The following PDE4A variants were observed in gnomAD, a reference collection of about 807,000 sequenced individuals.
PDE4A encodes the protein phosphodiesterase 4A.
A neutral mutation model predicts 73.9 loss-of-function variants in PDE4A; 21 were observed. That is an observed-to-expected ratio of 0.28 (90% CI 0.20 to 0.41). The LOEUF (loss-of-function observed/expected upper bound fraction) is 0.41. Among genes scored for constraint, PDE4A ranks in the 10% least tolerant of loss-of-function variants. The pLI, the probability that PDE4A is intolerant of heterozygous loss-of-function variation, is 1.00. For synonymous variants in PDE4A, 463 were observed against 505.4 expected (o/e 0.92, Z 1.13); for missense variants, 958 against 1,211.4 (o/e 0.79, Z 3.10).
intron 6 of PDE4A, 42 bp downstream of exon 6, chr19:10,450,983 G>C: frequency 6.5e-7 from 1 of 1,544,280 alleles, no homozygotes; most frequent in South Asian, 1.2e-5. Flanking sequence ...GGGCAGGCGG[G>C]GGCGGGGCCA....
chr19:10,449,018 A>T, intron 3 of PDE4A, 62 bp from the exon 4 acceptor site: 1 of 1,611,256 alleles, frequency 6.2e-7, no homozygotes, highest in Non-Finnish European at 8.5e-7. Context: ...ACTTGGGGAC[A>T]GGGCCCAGCC....
At position 10,441,194 on chromosome 19, in the gene PDE4A, C is replaced by G. The variant is rs569627563; in HGVS notation, c.321-5024C>G. ...GGACTGCAGGCACACACTGCCATGC[C>G]TGGCTAATTAAACAAGTTTTGTTTT... On this transcript the variant is annotated intron_variant, in intron 1 of 14. Transcript: ENST00000380702. Among the ~76,000 whole-genome samples the G allele has an allele frequency of 2.3e-4, 35 of 152,326 alleles. No individual in the cohort carries two copies. The South Asian group carries it at 5.4e-3, about 23-fold the overall frequency.
intron 1 of PDE4A, among the ~76,000 whole-genome samples, chr19:10,441,683 T>C (rs1459917016): frequency 1.4e-5 from 2 of 142,350 alleles, no homozygotes; most frequent in African/African-American, 5.3e-5. Context: ...CATTTTGAGT[T>C]ATTTTTTTTT....
intron 2 of PDE4A, among the ~76,000 whole-genome samples, chr19:10,447,526 T>G (rs1335812405): frequency 6.6e-6 from 1 of 151,186 alleles, no homozygotes; most frequent in Non-Finnish European, 1.5e-5. Context: ...CGCCCGGCCC[T>G]CAGTTCCTTT....
At chr19:10,449,677 A>G (rs532147849) in intron 4 of PDE4A, among the ~76,000 whole-genome samples, 1 of 152,046 alleles carries the variant, frequency 6.6e-6, no homozygotes, top group Non-Finnish European at 1.5e-5. Flanking sequence ...TTTTATAAAT[A>G]AAGATTTAGG....
chr19:10,463,567 A>G (rs1455693445), intron 13 of PDE4A: 1 of 285,110 alleles, frequency 3.5e-6, no homozygotes, highest in Admixed American at 6.6e-5. Flanking sequence ...TGCCTGGCTA[A>G]TTTTTTTGTA....
At position 10,445,758 on chromosome 19, in the gene PDE4A, G is replaced by A. The variant is rs571922379; in HGVS notation, c.321-460G>A. Among the ~76,000 whole-genome samples, 198 of 143,038 alleles carry A rather than the reference G, an allele frequency of 1.4e-3. 1 individual carries two copies. The highest frequency in any genetic ancestry group is 4.9e-3 in the African/African-American group (188 of 38,084). The allele number at this position is 143,038 out of a possible 152,430, so 93.8% of individuals were successfully genotyped here. On this transcript the variant is annotated intron_variant, in intron 1 of 14. Transcript: ENST00000380702. Reference sequence around the variant, plus strand: ...ACTACTCCAGCCTGGGCCACAGAGCGAGACCATACCTCAAAAAAAAAAAAA... The same window carrying A: ...ACTACTCCAGCCTGGGCCACAGAGCAAGACCATACCTCAAAAAAAAAAAAA...
At position 10,467,008 on chromosome 19, in the gene PDE4A, T is replaced by C; in HGVS notation, c.2048T>C (p.Ile683Thr). 6.2e-7 allele frequency: 1 copy of C among 1,614,010 alleles called. No homozygotes were observed. The highest frequency in any genetic ancestry group is 8.5e-7 in the Non-Finnish European group (1 of 1,180,006). Reference protein sequence around the residue: ...EDNRDWYYSAIRQSPSPPPEE... With the variant: ...EDNRDWYYSATRQSPSPPPEE... Reference sequence around the variant, plus strand: ...AACCGGGACTGGTACTACAGCGCCATCCGGCAGAGCCCATCTCCGCCACCC... The same window carrying C: ...AACCGGGACTGGTACTACAGCGCCACCCGGCAGAGCCCATCTCCGCCACCC... The change falls in exon 15 of 15, where the codon ATC (isoleucine) becomes ACC (threonine). Residue 683 changes from isoleucine (I) to threonine (T), a missense_variant. Ile to Thr is a moderately conservative substitution (Grantham distance 89, BLOSUM62 -1). Transcript: ENST00000380702.
chr19:10,469,616 C>T lies in PDE4A; in HGVS notation c.*1995C>T, dbSNP rs565143136. 9 of 152,446 alleles carry T rather than the reference C, an allele frequency of 5.9e-5. No individual in the cohort carries two copies. The highest frequency in any genetic ancestry group is 1.9e-4 in the African/African-American group (8 of 41,554). The allele number at this position is 152,446 out of a possible 1,614,324, so 9.4% of individuals were successfully genotyped here. On this transcript the variant is annotated 3_prime_UTR_variant, in exon 15 of 15. Coordinates refer to ENST00000380702, the MANE Select transcript of PDE4A (RefSeq NM_001111307.2). ...CCTTCGATCTTGTCTCCAATTAAACCGAGGCTTTCACCGATTTTCCTGGCT... is the reference window on the plus strand; with the variant it reads ...CCTTCGATCTTGTCTCCAATTAAACTGAGGCTTTCACCGATTTTCCTGGCT...
chr19:10,418,834 A>C (rs887297175), upstream of PDE4A: 1 of 984,804 alleles, frequency 1.0e-6, no homozygotes, highest in Non-Finnish European at 1.2e-6. Flanking sequence ...AGGACTCTCA[A>C]ATATGATCTG....
intron 1 of PDE4A, among the ~76,000 whole-genome samples, chr19:10,434,478 G>A (rs952287199): frequency 1.3e-5 from 2 of 151,994 alleles, no homozygotes; most frequent in African/African-American, 2.4e-5. Context: ...AAAGTGCTGG[G>A]ATTACAGACG....
chr19:10,424,378 G>T lies in PDE4A; in HGVS notation c.320+3294G>T, dbSNP rs1014719195. ...TGGAGGCAGCCGAGCTGGGGTATCCGTCTGGTCGCTGGTCTCTGTCTCCAC... is the reference window on the plus strand; with the variant it reads ...TGGAGGCAGCCGAGCTGGGGTATCCTTCTGGTCGCTGGTCTCTGTCTCCAC... On this transcript the variant is annotated intron_variant, in intron 1 of 14. Coordinates refer to ENST00000380702, the MANE Select transcript of PDE4A (RefSeq NM_001111307.2). This position sits in a 1 kb window ranked among gnomAD's most constrained non-coding sequence, Gnocchi z 4.8. Among the ~76,000 whole-genome samples, 2 of 152,212 alleles carry T rather than the reference G, an allele frequency of 1.3e-5. No homozygotes were observed. The highest frequency in any genetic ancestry group is 4.8e-5 in the African/African-American group (2 of 41,448).
At chr19:10,461,197 C>A in intron 11 of PDE4A, 94 bp downstream of exon 11, 1 of 1,228,666 alleles carries the variant, frequency 8.1e-7, no homozygotes, top group Non-Finnish European at 1.0e-6. Flanking sequence ...GAGGGGCTGG[C>A]TGGCCTGGGG....
chr19:10,461,639 A>G lies in PDE4A; in HGVS notation c.1579A>G (p.Lys527Glu). The change falls in exon 12 of 15, where the codon AAG (lysine) becomes GAG (glutamate). Residue 527 changes from lysine to glutamate, a missense_variant. This residue lies in a region of PDE4A where 570 missense variants were observed against 827.7 expected (regional missense o/e 0.69). Transcript: ENST00000380702. ...CTGCGACATCTTCCAGAACCTCAGC[A>G]AGCGCCAGCGGCAGAGCCTACGCAA... ...DNCDIFQNLS[K>E]RQRQSLRKMV... is the part of the protein sequence containing the mutation. 1.2e-6 allele frequency: 2 copies of G among 1,607,442 alleles called. No homozygotes were observed. The highest frequency in any genetic ancestry group is 1.7e-6 in the Non-Finnish European group (2 of 1,176,634).
intron 1 of PDE4A, among the ~76,000 whole-genome samples, chr19:10,437,759 T>C (rs1264077841): frequency 1.3e-5 from 2 of 150,730 alleles, no homozygotes; most frequent in Non-Finnish European, 2.9e-5. Flanking sequence ...TGGCATTAAG[T>C]ACATTCACAT....
chr19:10,446,589 T>C (rs572364186), intron 2 of PDE4A, among the ~76,000 whole-genome samples, 180 bp downstream of exon 2: 123 of 151,718 alleles, frequency 8.1e-4, no homozygotes, highest in Non-Finnish European at 1.6e-3. Context: ...TTCCTTTTTT[T>C]TTTTTTTTCT....
rs764265204 is a variant in PDE4A, at chr19:10,422,535, A to G, written c.320+1451A>G. Among the ~76,000 whole-genome samples, 72 of 152,018 alleles carry G rather than the reference A, an allele frequency of 4.7e-4. 1 individual carries two copies. The highest frequency in any genetic ancestry group is 2.2e-4 in the Non-Finnish European group (15 of 68,010). Reference sequence around the variant, plus strand: ...CTACCTGGATGCCCCACTGCTGGGGATATCACCAAGACGGTCAGATTTGGG... The same window carrying G: ...CTACCTGGATGCCCCACTGCTGGGGGTATCACCAAGACGGTCAGATTTGGG... On this transcript the variant is annotated intron_variant, in intron 1 of 14. Coordinates refer to ENST00000380702, the MANE Select transcript of PDE4A (RefSeq NM_001111307.2).
intron 1 of PDE4A, chr19:10,431,000 C>G: frequency 6.3e-7 from 1 of 1,579,284 alleles, no homozygotes; most frequent in Non-Finnish European, 8.5e-7. Flanking sequence ...CCGTCTTCTT[C>G]GCCAGCCCGT....
At chr19:10,448,341 TA>T (rs1389332504) in intron 2 of PDE4A, among the ~76,000 whole-genome samples, 1 of 150,860 alleles carries the variant, frequency 6.6e-6, no homozygotes, top group Non-Finnish European at 1.5e-5. Flanking sequence ...AAAGAAAAAA[TA>T]AATAAATAAA....
Sources: allele counts gnomAD v4.1 joint callset (sites outside exome capture counted in the v4.1 genomes callset), GRCh38; gene constraint gnomAD v4.1.1; regional missense constraint gnomAD v4.1.1; non-coding constraint Gnocchi (gnomAD v3.1); transcripts MANE v1.5; gene names NCBI Gene and HGNC (gene_info 2026-07-23, HGNC 2026-07-21).